ATPAF2: variants seen among roughly 807,000 people sequenced by gnomAD.
ATPAF2 encodes the protein ATP12 homolog.
ATPAF2 carries 30 observed loss-of-function variants against 36.6 expected under a neutral mutation model. The ratio of observed to expected loss-of-function variants is 0.82; its 90% CI spans 0.61 to 1.11. The LOEUF (loss-of-function observed/expected upper bound fraction) is 1.11. ATPAF2 is among the 50% of genes most tolerant of loss of function. The pLI is 0.00. For missense variants in ATPAF2, 321 were observed against 372.3 expected, an observed-to-expected ratio of 0.86 and a Z score of 1.13; for synonymous variants, 140 against 152.6, an observed-to-expected ratio of 0.92 and a Z score of 0.61.
At chr17:18,021,072 G>GT (rs2044462092) in intron 7 of ATPAF2, 51 bp downstream of exon 7, 1 of 1,577,382 alleles carries the variant, frequency 6.3e-7, no homozygotes, top group African/African-American at 1.4e-5. Context: ...CTCCCCCAAA[G>GT]TGAGTCTGAA....
At chr17:18,024,389 CATGAACCGCTACAGCAGGTG>C (rs2044513622) in intron 5 of ATPAF2, among the ~76,000 whole-genome samples, 1 of 152,196 alleles carries the variant, frequency 6.6e-6, no homozygotes, top group Non-Finnish European at 1.5e-5. Flanking sequence ...CCCTACACTT[CATGAACCGCTACAGCAGGTG>C]TGCTGTACCT....
chr17:18,031,025 T>C (rs1344547299), intron 1 of ATPAF2, among the ~76,000 whole-genome samples: 1 of 142,604 alleles, frequency 7.0e-6, no homozygotes, highest in Non-Finnish European at 1.5e-5. Flanking sequence ...CAGGCTGTAG[T>C]GCAGTGGCGC....
downstream of ATPAF2, chr17:18,016,724 G>A: frequency 8.1e-7 from 1 of 1,237,310 alleles, no homozygotes; most frequent in Admixed American, 1.8e-5. Context: ...CCCCAGCCAG[G>A]AGAAGGAAGT....
chr17:18,024,726 C>T, intron 4 of ATPAF2, 22 bp from the exon 5 acceptor site: 3 of 1,597,528 alleles, frequency 1.9e-6, no homozygotes, highest in Non-Finnish European at 2.6e-6. Context: ...TAAAAATAAC[C>T]TTCATTAATA....
At chr17:18,019,180 C>CACAT (rs2044431060) in intron 7 of ATPAF2, among the ~76,000 whole-genome samples, 2 of 151,788 alleles carry the variant, frequency 1.3e-5, no homozygotes, top group South Asian at 4.2e-4. Flanking sequence ...CACACACACA[C>CACAT]ACACACCCCA....
At chr17:18,030,751 T>C (rs2044619000) in intron 1 of ATPAF2, among the ~76,000 whole-genome samples, 1 of 142,554 alleles carries the variant, frequency 7.0e-6, no homozygotes. Flanking sequence ...CACTGCAAGC[T>C]CCACCTCCCA....
chr17:18,026,637 A>G, intron 3 of ATPAF2: 4 of 594,012 alleles, frequency 6.7e-6, no homozygotes, highest in Non-Finnish European at 1.2e-5. Context: ...GACTCGAGGG[A>G]AGCTTGCAGC....
intron 1 of ATPAF2, among the ~76,000 whole-genome samples, chr17:18,038,321 A>G (rs969841338): frequency 3.3e-5 from 5 of 152,114 alleles, no homozygotes; most frequent in Admixed American, 3.3e-4. Flanking sequence ...GGTGGAGGTG[A>G]CTCCACAGTC....
At chr17:18,025,559 T>C (rs1229777322) in intron 4 of ATPAF2, 1 of 154,448 alleles carries the variant, frequency 6.5e-6, no homozygotes, top group East Asian at 1.9e-4. Context: ...GGAGGAGCTC[T>C]GACATTGGAT....
intron 3 of ATPAF2, among the ~76,000 whole-genome samples, chr17:18,026,958 C>T (rs897356424): frequency 3.9e-5 from 6 of 152,140 alleles, no homozygotes; most frequent in Non-Finnish European, 8.8e-5. Context: ...TGGTGGCTCA[C>T]GCCTGTAATC....
At chr17:18,016,126 G>A (rs769696903), downstream of ATPAF2, 3 of 1,613,936 alleles carry the variant, frequency 1.9e-6, no homozygotes, top group South Asian at 3.3e-5. Context: ...TCCACCTCCT[G>A]AAGATTGACA....
intron 3 of ATPAF2, 200 bp from the exon 4 acceptor site, chr17:18,026,616 G>C: frequency 1.6e-6 from 1 of 615,016 alleles, no homozygotes; most frequent in East Asian, 2.8e-5. Context: ...GCTTTGTGTT[G>C]ACGCTCACAG....
intron 1 of ATPAF2, among the ~76,000 whole-genome samples, chr17:18,029,601 T>A (rs1039668283): frequency 2.0e-4 from 30 of 151,870 alleles, no homozygotes; most frequent in Middle Eastern, 3.2e-3. Flanking sequence ...TATTATTATT[T>A]TTTTTTTGAA....
At chr17:18,032,843 T>TC (rs1597677388) in intron 1 of ATPAF2, among the ~76,000 whole-genome samples, 1 of 151,770 alleles carries the variant, frequency 6.6e-6, no homozygotes, top group East Asian at 1.9e-4. Flanking sequence ...TCAATTTTTT[T>TC]TTTTTTTTTT....
At chr17:18,028,140 C>A in intron 3 of ATPAF2, 92 bp downstream of exon 3, 1 of 1,513,308 alleles carries the variant, frequency 6.6e-7, no homozygotes, top group Non-Finnish European at 9.2e-7. Context: ...AAAGGACCAG[C>A]CCCCAGGGCC....
intron 1 of ATPAF2, among the ~76,000 whole-genome samples, chr17:18,035,236 CA>C (rs777598440): frequency 4.7e-5 from 7 of 147,522 alleles, no homozygotes; most frequent in Admixed American, 4.1e-4. Context: ...CTCTTAAAAA[CA>C]AAAAAAAACA....
Position 18,038,873 on chromosome 17 carries a change from G to T in ATPAF2, c.133+8C>A, listed in dbSNP as rs1166399575. ...GCCCCAACCCAAAAGAACATGTCAT[G>T]GTCTTACCTGTCGGCGGGGCGTAAG... On this transcript the variant is annotated splice_region_variant and intron_variant, in intron 1 of 7. Coordinates refer to ENST00000474627, the MANE Select transcript of ATPAF2 (RefSeq NM_145691.4). 6.2e-7 allele frequency: 1 copy of T among 1,613,862 alleles called. No homozygotes were observed. Among genetic ancestry groups the T allele is most frequent in the African/African-American group, 1.3e-5 (1 of 74,920 alleles).
downstream of ATPAF2, among the ~76,000 whole-genome samples, chr17:18,017,561 A>AGCTCCACCATGTCACCCCC (rs1331988117): frequency 4.6e-4 from 70 of 152,350 alleles, no homozygotes; most frequent in Non-Finnish European, 8.1e-4. Flanking sequence ...AGGGCATCCC[A>AGCTCCACCATGTCACCCCC]GCTCCACCAT....
intron 7 of ATPAF2, chr17:18,020,889 G>A: frequency 9.3e-7 from 1 of 1,075,008 alleles, no homozygotes; most frequent in Non-Finnish European, 1.2e-6. Context: ...TCAAACTCCT[G>A]ACCTCAAATG....
Sources: allele counts gnomAD v4.1 joint callset (sites outside exome capture counted in the v4.1 genomes callset), GRCh38; gene constraint gnomAD v4.1.1; transcripts MANE v1.5; gene names NCBI Gene and HGNC (gene_info 2026-07-23, HGNC 2026-07-21).